JPH3: variants seen among roughly 807,000 people sequenced by gnomAD.
JPH3 encodes junctophilin 3, also known as junctophilin-3.
A neutral mutation model predicts 59.6 loss-of-function variants in JPH3; 11 were observed. The ratio of observed to expected loss-of-function variants is 0.18; its 90% CI spans 0.12 to 0.31. JPH3 has a LOEUF of 0.31. JPH3 is among the 10% of genes least tolerant of loss of function. The probability of loss-of-function intolerance (pLI) is 1.00; values close to 1 mark genes in which losing one functional copy is unlikely to be tolerated. For synonymous variants in JPH3, 673 were observed against 483.6 expected, an observed-to-expected ratio of 1.39 and a Z score of -5.14; for missense variants, 1,202 against 1,105.7, an observed-to-expected ratio of 1.09 and a Z score of -1.24.
At chr16:87,628,023 C>T (rs1462261357) in intron 1 of JPH3, among the ~76,000 whole-genome samples, 4 of 152,222 alleles carry the variant, frequency 2.6e-5, no homozygotes, top group African/African-American at 9.6e-5. Flanking sequence ...CTGGCAGGGG[C>T]AGGACTGGGA....
intron 2 of JPH3, among the ~76,000 whole-genome samples, chr16:87,680,498 G>A (rs900987959): frequency 1.3e-5 from 2 of 152,374 alleles, no homozygotes; most frequent in South Asian, 4.1e-4. Context: ...TGCAGGGCCA[G>A]GCAGGGCAAG....
intron 2 of JPH3, among the ~76,000 whole-genome samples, chr16:87,652,315 T>A (rs546320527): frequency 1.3e-5 from 2 of 152,242 alleles, no homozygotes; most frequent in Non-Finnish European, 2.9e-5. Context: ...CTCACCACGC[T>A]GATCACCCAC....
At chr16:87,683,033 C>T (rs943198141) in intron 2 of JPH3, among the ~76,000 whole-genome samples, 1 of 152,256 alleles carries the variant, frequency 6.6e-6, no homozygotes. Flanking sequence ...CCCGGCTGCC[C>T]ACAGGTACAA....
At chr16:87,696,477 C>A in intron 4 of JPH3, 103 bp from the exon 5 acceptor site, 1 of 936,892 alleles carries the variant, frequency 1.1e-6, no homozygotes, top group East Asian at 2.4e-5. Flanking sequence ...CTTCCACCCC[C>A]GAGGGTCTGC....
chr16:87,642,719 G>C (rs1037563258), intron 1 of JPH3, among the ~76,000 whole-genome samples: 1 of 152,186 alleles, frequency 6.6e-6, no homozygotes, highest in African/African-American at 2.4e-5. Flanking sequence ...GTTGGGCGTC[G>C]TGCTGAGGCC....
At chr16:87,640,909 A>G (rs1597254426) in intron 1 of JPH3, among the ~76,000 whole-genome samples, 1 of 152,080 alleles carries the variant, frequency 6.6e-6, no homozygotes, top group African/African-American at 2.4e-5. Flanking sequence ...TGGCCATGGG[A>G]AGGCCACTGT....
chr16:87,640,501 C>G (rs2031911633), intron 1 of JPH3, among the ~76,000 whole-genome samples: 1 of 151,816 alleles, frequency 6.6e-6, no homozygotes, highest in South Asian at 2.1e-4. Context: ...AGTGATCCTC[C>G]TGCCTCAGCC....
intron 3 of JPH3, chr16:87,684,590 C>T: frequency 2.9e-6 from 1 of 343,252 alleles, no homozygotes; most frequent in Non-Finnish European, 5.5e-6. Flanking sequence ...CGCCCTCCCC[C>T]AGTGTTGTTC....
chr16:87,694,389 C>A (rs1219392745), intron 4 of JPH3: 1 of 152,212 alleles, frequency 6.6e-6, no homozygotes, highest in Non-Finnish European at 1.5e-5. Flanking sequence ...ATGAAACTGA[C>A]CCAGGAGACA....
Position 87,644,559 on chromosome 16 carries a change from G to C in JPH3, c.684G>C (p.Ser228=). Residue 228 remains serine, a synonymous_variant, in exon 2 of 5, where the codon TCG becomes TCC. Coordinates refer to ENST00000284262, the MANE Select transcript of JPH3 (RefSeq NM_020655.4). ...TGAGTGGGCTGAAGCTGCGCAAGTC[G>C]GAGTCCAAGAGCAGCCTGGCCAGCC... ...SLLSGLKLRK[S]ESKSSLASQR... The C allele has an allele frequency of 1.2e-6, 2 of 1,612,744 alleles. No individual in the cohort carries two copies. The highest frequency in any genetic ancestry group is 1.7e-6 in the Non-Finnish European group (2 of 1,179,804).
At chr16:87,674,406 A>G (rs2033094972) in intron 2 of JPH3, among the ~76,000 whole-genome samples, 1 of 152,252 alleles carries the variant, frequency 6.6e-6, no homozygotes, top group Admixed American at 6.5e-5. Context: ...CCAGGTTTCT[A>G]GCATGTGAGA....
chr16:87,684,494 C>T (rs981391390), intron 3 of JPH3: 9 of 603,800 alleles, frequency 1.5e-5, no homozygotes, highest in African/African-American at 9.3e-5. Context: ...CTCTCCCATT[C>T]CCACAGTCCT....
intron 2 of JPH3, among the ~76,000 whole-genome samples, chr16:87,681,282 CAGA>C (rs1412318990): frequency 7.0e-6 from 1 of 142,304 alleles, no homozygotes; most frequent in East Asian, 2.1e-4. Context: ...GTGACAGTTC[CAGA>C]AGGTCAGGTG....
chr16:87,660,806 A>C (rs572407871), intron 2 of JPH3, among the ~76,000 whole-genome samples: 1 of 152,258 alleles, frequency 6.6e-6, no homozygotes, highest in East Asian at 1.9e-4. Flanking sequence ...GCTGGAGACA[A>C]ACAGCTCCAC....
chr16:87,653,508 C>T (rs1051723223), intron 2 of JPH3: 7 of 152,024 alleles, frequency 4.6e-5, no homozygotes, highest in South Asian at 2.1e-4. Flanking sequence ...TCTAGTGGGC[C>T]GTCTAGGAAA....
intron 1 of JPH3, among the ~76,000 whole-genome samples, chr16:87,615,117 A>G (rs1038491412): frequency 4.6e-5 from 7 of 152,104 alleles, no homozygotes; most frequent in African/African-American, 1.5e-4. Flanking sequence ...CCCTGCACAC[A>G]TGAGGGTTGG....
At chr16:87,622,761 G>A (rs989020052) in intron 1 of JPH3, among the ~76,000 whole-genome samples, 35 of 151,762 alleles carry the variant, frequency 2.3e-4, no homozygotes, top group African/African-American at 7.2e-4. Flanking sequence ...CCACCCTGCC[G>A]CTGAGAGGCC....
At chr16:87,608,353 G>A (rs1376969226) in intron 1 of JPH3, among the ~76,000 whole-genome samples, 4 of 152,208 alleles carry the variant, frequency 2.6e-5, no homozygotes, top group Admixed American at 6.5e-5. Context: ...CGCCCTTTGT[G>A]TCCTTAGATG....
At chr16:87,668,491 G>A (rs146981231) in intron 2 of JPH3, among the ~76,000 whole-genome samples, 23 of 152,244 alleles carry the variant, frequency 1.5e-4, no homozygotes, top group Non-Finnish European at 3.4e-4. Flanking sequence ...AGCTTCACTC[G>A]GCATGGCGTG....
Sources: allele counts gnomAD v4.1 joint callset (sites outside exome capture counted in the v4.1 genomes callset), GRCh38; gene constraint gnomAD v4.1.1; transcripts MANE v1.5; gene names NCBI Gene and HGNC (gene_info 2026-07-23, HGNC 2026-07-21).